The following CSMD1 variants were observed in gnomAD, a reference collection of about 807,000 sequenced individuals.
The protein encoded by CSMD1 is CUB and sushi domain-containing protein 1.
Under a neutral mutation model 417.5 loss-of-function variants are expected in CSMD1, and 213 were observed. That is an observed-to-expected ratio of 0.51 (90% confidence interval 0.46 to 0.57). The LOEUF (loss-of-function observed/expected upper bound fraction) is 0.57, where lower values mean the gene tolerates loss of function less well. CSMD1 is among the 20% of genes least tolerant of loss of function. The pLI is 0.00. For missense variants in CSMD1, 6,923 were observed against 4,529.7 expected (o/e 1.53, Z -15.17); for synonymous variants, 2,862 against 1,736.8 (o/e 1.65, Z -16.11).
At chr8:4,831,087 G>A (rs996025455) in intron 1 of CSMD1, among the ~76,000 whole-genome samples, 2 of 152,144 alleles carry the variant, frequency 1.3e-5, no homozygotes, top group African/African-American at 2.4e-5. Flanking sequence ...TGGGAGGGAT[G>A]TTTTTTCCAT....
chr8:3,839,179 A>G (rs1157797262), intron 5 of CSMD1, among the ~76,000 whole-genome samples: 2 of 126,742 alleles, frequency 1.6e-5, no homozygotes, highest in Non-Finnish European at 3.1e-5. Context: ...CTATATATTT[A>G]TATATAATAA....
intron 7 of CSMD1, among the ~76,000 whole-genome samples, chr8:3,660,047 T>C (rs1464655992): frequency 1.3e-5 from 2 of 152,218 alleles, no homozygotes; most frequent in African/African-American, 4.8e-5. Flanking sequence ...TGTCCCTGTG[T>C]TCAGCAACAC....
At chr8:3,934,011 G>A (rs2129681707) in intron 5 of CSMD1, among the ~76,000 whole-genome samples, 1 of 152,208 alleles carries the variant, frequency 6.6e-6, no homozygotes, top group South Asian at 2.1e-4. Context: ...TTCGCCTAAG[G>A]CCTGAATCCA....
intron 63 of CSMD1, among the ~76,000 whole-genome samples, chr8:2,956,615 G>A (rs1004262533): frequency 2.6e-5 from 4 of 151,746 alleles, no homozygotes; most frequent in African/African-American, 7.3e-5. Flanking sequence ...CACCATGCCC[G>A]GCTAATTTTT....
intron 2 of CSMD1, among the ~76,000 whole-genome samples, chr8:4,423,427 G>T (rs1797363200): frequency 6.6e-6 from 1 of 151,984 alleles, no homozygotes; most frequent in African/African-American, 2.4e-5. Context: ...TGAACACGTT[G>T]ACATCAAAAT....
intron 3 of CSMD1, among the ~76,000 whole-genome samples, chr8:4,136,277 A>G (rs1043222507): frequency 6.6e-6 from 1 of 152,254 alleles, no homozygotes; most frequent in Non-Finnish European, 1.5e-5. Context: ...ACAGTCAGGA[A>G]CACACAGGGA....
intron 5 of CSMD1, among the ~76,000 whole-genome samples, chr8:3,879,085 A>G (rs545251369): frequency 6.4e-4 from 97 of 152,264 alleles, no homozygotes; most frequent in African/African-American, 2.3e-3. Flanking sequence ...ATTCTGGGGT[A>G]CCCAAGCATG....
At chr8:4,129,767 TC>T (rs542737137) in intron 3 of CSMD1, among the ~76,000 whole-genome samples, 290 of 152,276 alleles carry the variant, frequency 1.9e-3, no homozygotes, top group Non-Finnish European at 2.4e-3. Context: ...CTGGAAAATT[TC>T]TTCAACAATT....
chr8:4,464,087 T>C (rs1800003417), intron 2 of CSMD1, among the ~76,000 whole-genome samples: 1 of 152,158 alleles, frequency 6.6e-6, no homozygotes, highest in South Asian at 2.1e-4. Flanking sequence ...AACAGGTTTC[T>C]CAGTTTTCTA....
At chr8:3,226,603 T>C (rs77303593) in intron 27 of CSMD1, among the ~76,000 whole-genome samples, 13,245 of 141,842 alleles carry the variant, frequency 0.093, 880 homozygotes, top group East Asian at 0.17. Context: ...AAAAAAAAAG[T>C]CGTTAATGTC....
chr8:3,305,331 T>G (rs1804748384), intron 25 of CSMD1, among the ~76,000 whole-genome samples: 1 of 152,186 alleles, frequency 6.6e-6, no homozygotes, highest in Non-Finnish European at 1.5e-5. Flanking sequence ...TTAAAATGAG[T>G]TATTATAAAA....
intron 5 of CSMD1, among the ~76,000 whole-genome samples, chr8:3,926,714 CTT>C (rs56721822): frequency 0.14 from 14,570 of 102,814 alleles, 490 homozygotes; most frequent in East Asian, 0.3. Flanking sequence ...AAATTGACAC[CTT>C]TTTTTTTTTT....
At chr8:4,733,336 T>C (rs1224606155) in intron 1 of CSMD1, among the ~76,000 whole-genome samples, 2 of 152,296 alleles carry the variant, frequency 1.3e-5, no homozygotes, top group South Asian at 4.1e-4. Context: ...GCCATGCCAA[T>C]GACCCTAACT....
At chr8:3,182,412 A>G (rs1156585676) in intron 36 of CSMD1, among the ~76,000 whole-genome samples, 1 of 152,058 alleles carries the variant, frequency 6.6e-6, no homozygotes, top group Non-Finnish European at 1.5e-5. Context: ...ACGGGATTTC[A>G]CCATGTTGGC....
At chr8:4,204,775 C>A (rs1269083246) in intron 3 of CSMD1, among the ~76,000 whole-genome samples, 1 of 152,098 alleles carries the variant, frequency 6.6e-6, no homozygotes, top group Non-Finnish European at 1.5e-5. Context: ...CTGCCTCAGC[C>A]TCCTGAGTAG....
chr8:4,446,275 T>A (rs993865865), intron 2 of CSMD1, among the ~76,000 whole-genome samples: 1 of 151,956 alleles, frequency 6.6e-6, no homozygotes, highest in Admixed American at 6.6e-5. Context: ...CAGCTGGGAG[T>A]GGTGGCTCAT....
At chr8:4,071,266 G>C (rs187860412) in intron 3 of CSMD1, among the ~76,000 whole-genome samples, 1 of 151,984 alleles carries the variant, frequency 6.6e-6, no homozygotes, top group African/African-American at 2.4e-5. Context: ...CTGACGCCCT[G>C]CTTGTTATAT....
At chr8:4,899,995 T>A (rs1460271508) in intron 1 of CSMD1, among the ~76,000 whole-genome samples, 1 of 152,182 alleles carries the variant, frequency 6.6e-6, no homozygotes, top group East Asian at 1.9e-4. Context: ...CTAAGTAGGA[T>A]GTCTGTTGCT....
intron 10 of CSMD1, among the ~76,000 whole-genome samples, chr8:3,533,018 A>G (rs1415944729): frequency 6.6e-6 from 1 of 152,206 alleles, no homozygotes; most frequent in Non-Finnish European, 1.5e-5. Flanking sequence ...TTAAGTGAAT[A>G]ATGTGTTTTA....
Sources: allele counts gnomAD v4.1 joint callset (sites outside exome capture counted in the v4.1 genomes callset), GRCh38; gene constraint gnomAD v4.1.1; transcripts MANE v1.5; gene names NCBI Gene and HGNC (gene_info 2026-07-23, HGNC 2026-07-21).